The following GDAP2 variants were observed in gnomAD, a reference collection of about 807,000 sequenced individuals.
GDAP2 encodes the protein ganglioside-induced differentiation-associated protein 2.
A neutral mutation model predicts 67.0 loss-of-function variants in GDAP2; 51 were observed. The observed-to-expected ratio is 0.76, with a 90% CI of 0.61 to 0.96. GDAP2 has a LOEUF of 0.96. Among genes scored for constraint, GDAP2 ranks in the 40% least tolerant of loss-of-function variants. The pLI, the probability that GDAP2 is intolerant of heterozygous loss-of-function variation, is 0.00. For missense variants in GDAP2, 547 were observed against 588.3 expected (o/e 0.93, Z 0.73); for synonymous variants, 203 against 207.3 (o/e 0.98, Z 0.18).
chr1:117,896,315 T>G (rs1649263421), intron 8 of GDAP2, among the ~76,000 whole-genome samples: 1 of 152,180 alleles, frequency 6.6e-6, no homozygotes, highest in Non-Finnish European at 1.5e-5. Context: ...TACCCAAAAG[T>G]ACAAAGCTGC....
Position 117,878,072 on chromosome 1 carries a change from C to CAGCTGGTGG in GDAP2, c.1374_1382dup (p.His459_Leu461dup). On this transcript the variant is annotated inframe_insertion, in exon 13 of 14. Coordinates refer to ENST00000369443, the MANE Select transcript of GDAP2 (RefSeq NM_017686.4). ...TCTGTTCTGGTGATATGGCAGAAAA[C>CAGCTGGTGG]AGCTGGTGGAGGCTGTCCACATGGT... 6.2e-7 allele frequency: 1 copy of CAGCTGGTGG among 1,612,538 alleles called. No individual in the cohort carries two copies. Among genetic ancestry groups the CAGCTGGTGG allele is most frequent in the South Asian group, 1.1e-5 (1 of 90,994 alleles).
intron 7 of GDAP2, among the ~76,000 whole-genome samples, chr1:117,897,350 A>G (rs1041861458): frequency 6.6e-6 from 1 of 152,236 alleles, no homozygotes; most frequent in Admixed American, 6.5e-5. Flanking sequence ...AGTATAAAAA[A>G]CAAGCATTTG....
At position 117,878,087 on chromosome 1, in the gene GDAP2, G is replaced by T; in HGVS notation, c.1368C>A (p.Asp456Glu). The T allele has an allele frequency of 6.2e-7, 1 of 1,612,634 alleles. No individual in the cohort carries two copies. The highest frequency in any genetic ancestry group is 8.5e-7 in the Non-Finnish European group (1 of 1,178,846). ...TGGCAGAAAACAGCTGGTGGAGGCT[G>T]TCCACATGGTGGATTTTGTCCTTCA... is the stretch of plus-strand genomic sequence containing the variant. ...SGLKDKIHHV[D>E]SLHQLFSAIS... Residue 456 changes from aspartate (D) to glutamate (E), a missense_variant, in exon 13 of 14, where the codon GAC becomes GAA. By Grantham distance (45) the Asp-to-Glu change is conservative. Coordinates refer to ENST00000369443, the MANE Select transcript of GDAP2 (RefSeq NM_017686.4).
At chr1:117,885,133 T>C (rs936182563) in intron 10 of GDAP2, among the ~76,000 whole-genome samples, 3 of 152,092 alleles carry the variant, frequency 2.0e-5, no homozygotes, top group East Asian at 3.9e-4. Context: ...GCTGGGATTA[T>C]AGGCATGAAC....
At chr1:117,887,330 C>T (rs1313429449) in intron 9 of GDAP2, among the ~76,000 whole-genome samples, 4 of 152,030 alleles carry the variant, frequency 2.6e-5, no homozygotes, top group Admixed American at 6.6e-5. Flanking sequence ...TAAAAAGTAC[C>T]GTCTGTAAAA....
Position 117,864,774 on chromosome 1 carries a change from G to C in GDAP2, c.*5795C>G, listed in dbSNP as rs1209723913. ...AAAAGTGAAGTACATTATTCAGTTT[G>C]AGAAAACTGGTCTACACGGTCGGTC... On this transcript the variant is annotated 3_prime_UTR_variant, in exon 14 of 14. Coordinates refer to ENST00000369443, the MANE Select transcript of GDAP2 (RefSeq NM_017686.4). 6.6e-6 allele frequency: 1 copy of C among 152,108 alleles called. No homozygotes were observed. Among genetic ancestry groups the C allele is most frequent in the Non-Finnish European group, 1.5e-5 (1 of 68,020 alleles). 9.4% of individuals were successfully genotyped at this position (152,108 alleles called of 1,614,324 possible).
At chr1:117,887,629 T>C in intron 9 of GDAP2, 69 bp downstream of exon 9, 2 of 827,614 alleles carry the variant, frequency 2.4e-6, no homozygotes, top group Non-Finnish European at 4.3e-6. Context: ...GAAAAATGAA[T>C]TCTCAAATAG....
At chr1:117,883,342 T>A (rs529748331) in intron 11 of GDAP2, 146 bp downstream of exon 11, 55 of 587,948 alleles carry the variant, frequency 9.4e-5, no homozygotes, top group Non-Finnish European at 1.3e-4. Context: ...GAGGGTCTCC[T>A]ATGATTGAAG....
chr1:117,877,893 GACTC>G (rs1389010759), intron 13 of GDAP2, 112 bp downstream of exon 13: 188 of 1,351,848 alleles, frequency 1.4e-4, no homozygotes, highest in Non-Finnish European at 1.7e-4. Context: ...AGTTTATTAA[GACTC>G]ACTAATTTAC....
At chr1:117,917,370 T>G (rs940378768) in intron 3 of GDAP2, among the ~76,000 whole-genome samples, 3 of 152,224 alleles carry the variant, frequency 2.0e-5, no homozygotes, top group Non-Finnish European at 4.4e-5. Flanking sequence ...AGGTTGGCAC[T>G]GATTCATTAA....
intron 13 of GDAP2, 112 bp from the exon 14 acceptor site, chr1:117,870,728 A>G (rs1648229677): frequency 3.9e-6 from 3 of 777,874 alleles, no homozygotes; most frequent in African/African-American, 1.7e-5. Context: ...TGTCTAGCAC[A>G]TGTCTGGCAC....
intron 8 of GDAP2, among the ~76,000 whole-genome samples, chr1:117,894,040 G>T (rs1436257835): frequency 6.6e-6 from 1 of 152,028 alleles, no homozygotes; most frequent in African/African-American, 2.4e-5. Context: ...ATGTGCGTCT[G>T]CATTTAAATT....
rs573528840 is a variant in GDAP2 at position 117,919,874 on chromosome 1, T to C, written c.176+308A>G. On this transcript the variant is annotated intron_variant, in intron 2 of 13. Transcript: ENST00000369443. ...AGTGACAAGAAGATCAGTGGTTGCT[T>C]GGGGATGGGGAGGGAGGGAAGGGCA... 3.3e-4 allele frequency among the ~76,000 whole-genome samples: 49 copies of C among 146,988 alleles called. 1 individual carries two copies. In the South Asian group the frequency reaches 4.4e-3, roughly 13 times the overall value.
intron 6 of GDAP2, among the ~76,000 whole-genome samples, 182 bp from the exon 7 acceptor site, chr1:117,899,398 G>A (rs141058058): frequency 7.8e-4 from 119 of 152,226 alleles, no homozygotes; most frequent in African/African-American, 2.8e-3. Context: ...TAAAGATAAG[G>A]ATATTGTTAT....
chr1:117,926,828 T>C (rs1330803334), intron 1 of GDAP2, among the ~76,000 whole-genome samples: 1 of 152,146 alleles, frequency 6.6e-6, no homozygotes. Flanking sequence ...AGTGATAGAA[T>C]GCAAACAGAT....
At position 117,886,629 on chromosome 1, in the gene GDAP2, A is replaced by T; in HGVS notation, c.1055T>A (p.Val352Glu). The change falls in exon 10 of 14, where the codon GTG becomes GAG. Residue 352 changes from valine (V) to glutamate (E), a missense_variant. Physicochemically the swap from Val to Glu is moderately radical, Grantham distance 121 (BLOSUM62 -2). Transcript: ENST00000369443. ...AATGTTTCTTCCAACTACCACCATCACTGTTCGACCACAGTTATCAACACC... is the reference window on the plus strand; with the variant it reads ...AATGTTTCTTCCAACTACCACCATCTCTGTTCGACCACAGTTATCAACACC... ...QTGVDNCGRT[V>E]MVVVGRNIPV... 1 of 1,588,222 alleles carries T rather than the reference A, an allele frequency of 6.3e-7. No homozygotes were observed. The highest frequency in any genetic ancestry group is 8.6e-7 in the Non-Finnish European group (1 of 1,156,638).
At chr1:117,918,368 G>A (rs1187570076) in intron 3 of GDAP2, among the ~76,000 whole-genome samples, 1 of 152,110 alleles carries the variant, frequency 6.6e-6, no homozygotes, top group African/African-American at 2.4e-5. Context: ...TTCAGGACAG[G>A]ACAAAGAAGT....
intron 1 of GDAP2, among the ~76,000 whole-genome samples, chr1:117,920,736 T>C (rs981376309): frequency 7.1e-5 from 10 of 140,742 alleles, no homozygotes; most frequent in Admixed American, 6.9e-4. Context: ...TGCCTACTAT[T>C]GAAAAAAAAA....
rs1342069085 is a variant in GDAP2 at position 117,878,140 on chromosome 1, A to G, written c.1315T>C (p.Phe439Leu). ...CCTGAGACAGAAAAGGTGGTAAAAAACCATGTTGACACCTGATTAATAGAA... is the reference window on the plus strand; with the variant it reads ...CCTGAGACAGAAAAGGTGGTAAAAAGCCATGTTGACACCTGATTAATAGAA... ...PTFRSKVSTW[F>L]FTTFSVSGLK... The change falls in exon 13 of 14, where the codon TTT (phenylalanine) becomes CTT (leucine). Residue 439 changes from phenylalanine to leucine, a missense_variant. Coordinates refer to ENST00000369443, the MANE Select transcript of GDAP2 (RefSeq NM_017686.4). 1 of 1,575,684 alleles carries G rather than the reference A, an allele frequency of 6.3e-7. No homozygotes were observed.
Sources: gnomAD v4.1 joint callset for allele counts (sites outside exome capture counted in the v4.1 genomes callset) on GRCh38, gnomAD v4.1.1 for gene constraint, MANE v1.5 for transcripts, NCBI Gene and HGNC (gene_info 2026-07-23, HGNC 2026-07-21) for gene names.